ARHGEF12: variants seen among roughly 807,000 people sequenced by gnomAD.
ARHGEF12 encodes KMT2A/ARHGEF12 fusion protein.
ARHGEF12 carries 66 observed loss-of-function variants against 211.2 expected under a neutral mutation model. That is an observed-to-expected ratio of 0.31 (90% CI 0.26 to 0.38). The LOEUF (loss-of-function observed/expected upper bound fraction) is 0.38. ARHGEF12 is among the 10% of genes least tolerant of loss of function. ARHGEF12 has a pLI of 1.00. For missense variants in ARHGEF12, 1,429 were observed against 1,869.5 expected (o/e 0.76, Z 4.34); for synonymous variants, 592 against 638.4 (o/e 0.93, Z 1.09).
intron 1 of ARHGEF12, among the ~76,000 whole-genome samples, chr11:120,360,178 A>G (rs1943240486): frequency 6.6e-6 from 1 of 152,158 alleles, no homozygotes; most frequent in Admixed American, 6.5e-5. Context: ...GAACACTGCT[A>G]GGATATGAAG....
intron 7 of ARHGEF12, 141 bp from the exon 8 acceptor site, chr11:120,427,928 C>G: frequency 1.7e-6 from 1 of 602,538 alleles, no homozygotes; most frequent in East Asian, 3.1e-5. Context: ...TCTGTGGAGA[C>G]ATGATGTAGC....
At chr11:120,416,016 C>G (rs1046247897) in intron 4 of ARHGEF12, among the ~76,000 whole-genome samples, 5 of 152,120 alleles carry the variant, frequency 3.3e-5, no homozygotes, top group Non-Finnish European at 5.9e-5. Context: ...TCCCTCATCT[C>G]CTTTTGCTGT....
At position 120,480,440 on chromosome 11, in the gene ARHGEF12, T is replaced by C. The variant is rs776811192; in HGVS notation, c.4237+10T>C. ...AATTTACGCATCTCAGGCAAGTATC[T>C]TTCACACTTAAACTTTGATTTTGAT... On this transcript the variant is annotated intron_variant, in intron 38 of 40. Coordinates refer to ENST00000397843, the MANE Select transcript of ARHGEF12 (RefSeq NM_015313.3). The C allele has an allele frequency of 6.3e-7, 1 of 1,594,120 alleles. No individual in the cohort carries two copies. Among genetic ancestry groups the C allele is most frequent in the Non-Finnish European group, 8.5e-7 (1 of 1,170,150 alleles).
intron 1 of ARHGEF12, among the ~76,000 whole-genome samples, chr11:120,367,921 C>T (rs1943474190): frequency 6.6e-6 from 1 of 152,072 alleles, no homozygotes; most frequent in African/African-American, 2.4e-5. Flanking sequence ...GTTGAAGCTG[C>T]AGTGAGCTGT....
chr11:120,365,858 G>A (rs1171655478), intron 1 of ARHGEF12: 5 of 152,138 alleles, frequency 3.3e-5, no homozygotes, highest in African/African-American at 1.2e-4. Flanking sequence ...TATAGAAATT[G>A]CATGTATCCC....
At chr11:120,436,920 T>G (rs1385950215) in intron 11 of ARHGEF12, among the ~76,000 whole-genome samples, 1 of 152,144 alleles carries the variant, frequency 6.6e-6, no homozygotes, top group African/African-American at 2.4e-5. Context: ...TACTCATAAG[T>G]AGGGCAAAAT....
Position 120,457,356 on chromosome 11 carries a change from G to GGT in ARHGEF12, c.2189+107_2189+108dup, listed in dbSNP as rs1010118304. The GGT allele has an allele frequency of 2.3e-5, 31 of 1,328,544 alleles. No individual in the cohort carries two copies. The Admixed American group carries it at 7.0e-4, about 30-fold the overall frequency. The allele number at this position is 1,328,544 out of a possible 1,614,324, so 82.3% of individuals were successfully genotyped here. A position where few individuals can be genotyped will look rare whatever the true frequency, so the allele number is the denominator to read the frequency against. ...TTCTAGCACTGAAGCCTGGCATGGT[G>GGT]GTATGTACCTATAATGCCAGCTACT... On this transcript the variant is annotated intron_variant, in intron 23 of 40. Transcript: ENST00000397843.
At chr11:120,437,573 G>T (rs749170904) in intron 12 of ARHGEF12, among the ~76,000 whole-genome samples, 191 bp downstream of exon 12, 17 of 151,976 alleles carry the variant, frequency 1.1e-4, no homozygotes, top group Non-Finnish European at 1.9e-4. Context: ...GTATTCTTAG[G>T]TTCCTTCATA....
chr11:120,472,464 T>C (rs1363751013), intron 30 of ARHGEF12, among the ~76,000 whole-genome samples: 4 of 152,178 alleles, frequency 2.6e-5, no homozygotes, highest in Non-Finnish European at 4.4e-5. Context: ...ATCTGAATTT[T>C]GTACTGTGTG....
At chr11:120,476,926 T>A (rs1947048513) in intron 34 of ARHGEF12, 178 bp downstream of exon 34, 1 of 600,214 alleles carries the variant, frequency 1.7e-6, no homozygotes, top group Non-Finnish European at 2.8e-6. Context: ...TTTATTTTGA[T>A]TCTATTCTGA....
At chr11:120,384,580 G>C (rs1333308074) in intron 1 of ARHGEF12, among the ~76,000 whole-genome samples, 1 of 152,178 alleles carries the variant, frequency 6.6e-6, no homozygotes, top group Non-Finnish European at 1.5e-5. Context: ...TAGATTGCAT[G>C]AGTTTGTCTC....
intron 1 of ARHGEF12, among the ~76,000 whole-genome samples, chr11:120,355,142 C>G (rs1943095114): frequency 6.6e-6 from 1 of 152,088 alleles, no homozygotes; most frequent in Admixed American, 6.6e-5. Context: ...GTCAGATTGG[C>G]AAAAATAATG....
intron 26 of ARHGEF12, 90 bp from the exon 27 acceptor site, chr11:120,460,582 A>G (rs901604402): frequency 9.6e-7 from 1 of 1,043,242 alleles, no homozygotes; most frequent in African/African-American, 1.7e-5. Context: ...AATCGTCTTT[A>G]TAAAAAAAAA....
At chr11:120,465,643 T>G (rs1946682484) in intron 28 of ARHGEF12, among the ~76,000 whole-genome samples, 1 of 152,156 alleles carries the variant, frequency 6.6e-6, no homozygotes, top group South Asian at 2.1e-4. Flanking sequence ...ATTTTTTCTA[T>G]TTTTAGTAGA....
chr11:120,384,878 A>ATT (rs36027339), intron 1 of ARHGEF12, among the ~76,000 whole-genome samples: 46 of 137,698 alleles, frequency 3.3e-4, no homozygotes, highest in African/African-American at 8.1e-4. Context: ...ACAAAAGGAG[A>ATT]TTTTTTTTTT....
chr11:120,455,625 T>C (rs970599156), intron 22 of ARHGEF12, among the ~76,000 whole-genome samples: 2 of 152,024 alleles, frequency 1.3e-5, no homozygotes, highest in Non-Finnish European at 2.9e-5. Context: ...AGAAAGAAAA[T>C]GTCCTGGGAT....
chr11:120,470,307 T>A (rs1946831939), intron 30 of ARHGEF12, among the ~76,000 whole-genome samples: 1 of 152,154 alleles, frequency 6.6e-6, no homozygotes, highest in Non-Finnish European at 1.5e-5. Flanking sequence ...GATGGCAGCT[T>A]AGAGAAGTTG....
At chr11:120,405,243 T>C (rs1184707464) in intron 1 of ARHGEF12, among the ~76,000 whole-genome samples, 2 of 152,230 alleles carry the variant, frequency 1.3e-5, no homozygotes, top group African/African-American at 4.8e-5. Flanking sequence ...GTACGGTTCC[T>C]ATTACTAAAT....
In ARHGEF12 at chr11:120,431,926, T is replaced by C; in HGVS notation, c.924+15T>C. On this transcript the variant is annotated intron_variant, in intron 11 of 40. Coordinates refer to ENST00000397843, the MANE Select transcript of ARHGEF12 (RefSeq NM_015313.3). ...ACAATGCAGATGTAAGCTTTCAGTT[T>C]TCTAAATCTTTTTTCTTCTGTATTC... 1 of 1,569,554 alleles carries C rather than the reference T, an allele frequency of 6.4e-7. No homozygotes were observed. Among genetic ancestry groups the C allele is most frequent in the Non-Finnish European group, 8.6e-7 (1 of 1,160,080 alleles).
Sources: gnomAD v4.1 joint callset for allele counts (sites outside exome capture counted in the v4.1 genomes callset) on GRCh38, gnomAD v4.1.1 for gene constraint, MANE v1.5 for transcripts, NCBI Gene and HGNC (gene_info 2026-07-23, HGNC 2026-07-21) for gene names.